The following NCALD variants were observed in gnomAD, a reference collection of about 807,000 sequenced individuals.
NCALD encodes the protein neurocalcin-delta.
A neutral mutation model predicts 18.6 loss-of-function variants in NCALD; 10 were observed. The observed-to-expected ratio is 0.54, with a 90% CI of 0.33 to 0.91. The LOEUF is 0.91. Among genes scored for constraint, NCALD ranks in the 40% least tolerant of loss-of-function variants. The pLI is 0.03. For synonymous variants in NCALD, 88 were observed against 87.4 expected, an observed-to-expected ratio of 1.01 and a Z score of -0.04; for missense variants, 184 against 247.6, an observed-to-expected ratio of 0.74 and a Z score of 1.72.
chr8:102,118,909 A>G (rs1428313859), intron 1 of NCALD, among the ~76,000 whole-genome samples: 1 of 152,214 alleles, frequency 6.6e-6, no homozygotes, highest in Non-Finnish European at 1.5e-5. Context: ...ACCTACTAGC[A>G]TGGCTATTAT....
intron 4 of NCALD, among the ~76,000 whole-genome samples, chr8:101,876,730 G>C (rs1816243146): frequency 6.6e-6 from 1 of 152,214 alleles, no homozygotes; most frequent in Admixed American, 6.5e-5. Context: ...ACAAGACATA[G>C]TACTTATTGC....
upstream of NCALD, chr8:102,124,501 C>CCG (rs1563638689): frequency 1.1e-5 from 1 of 89,704 alleles, no homozygotes; most frequent in East Asian, 2.5e-4. Flanking sequence ...TGGACGCCCC[C>CCG]CCCCTCCCCC....
intron 4 of NCALD, among the ~76,000 whole-genome samples, chr8:101,813,073 T>C (rs1243621306): frequency 6.6e-6 from 1 of 152,058 alleles, no homozygotes; most frequent in Non-Finnish European, 1.5e-5. Flanking sequence ...CTGGGGGAGA[T>C]AGCAGTGAAC....
intron 4 of NCALD, among the ~76,000 whole-genome samples, chr8:101,883,235 A>G (rs1321734850): frequency 6.6e-6 from 1 of 152,186 alleles, no homozygotes; most frequent in African/African-American, 2.4e-5. Context: ...TTAGCTGGGC[A>G]TGGTGGTGCG....
chr8:101,862,699 C>T (rs1815593680), intron 4 of NCALD, among the ~76,000 whole-genome samples: 1 of 152,194 alleles, frequency 6.6e-6, no homozygotes, highest in Non-Finnish European at 1.5e-5. Flanking sequence ...TGCTAGTTTT[C>T]TCTAACAGGG....
At chr8:102,011,106 A>G (rs1262775948) in intron 2 of NCALD, among the ~76,000 whole-genome samples, 6 of 151,904 alleles carry the variant, frequency 3.9e-5, no homozygotes, top group African/African-American at 1.2e-4. Context: ...AAACTTACCT[A>G]CTCTTCATTT....
chr8:101,870,437 A>G (rs988212960), intron 4 of NCALD, among the ~76,000 whole-genome samples: 2 of 152,228 alleles, frequency 1.3e-5, no homozygotes, highest in Non-Finnish European at 2.9e-5. Context: ...CAAATAAACA[A>G]GAATAAAAAT....
At chr8:101,736,353 C>A (rs1368556631) in intron 1 of NCALD, among the ~76,000 whole-genome samples, 2 of 152,190 alleles carry the variant, frequency 1.3e-5, no homozygotes, top group Admixed American at 1.3e-4. Context: ...CTCTCAAAGT[C>A]TTTCCCTAGT....
intron 1 of NCALD, among the ~76,000 whole-genome samples, chr8:102,035,437 T>C (rs1192463096): frequency 6.6e-6 from 1 of 152,170 alleles, no homozygotes; most frequent in Non-Finnish European, 1.5e-5. Flanking sequence ...CATGAGACAA[T>C]GATTCACATG....
At chr8:101,718,138 C>T (rs746318173) in intron 2 of NCALD, among the ~76,000 whole-genome samples, 51 of 152,246 alleles carry the variant, frequency 3.3e-4, no homozygotes, top group Middle Eastern at 3.4e-3. Flanking sequence ...GAATGGGTGT[C>T]CTTACAATTA....
chr8:102,033,747 G>T (rs531779386), intron 1 of NCALD, among the ~76,000 whole-genome samples: 1 of 152,096 alleles, frequency 6.6e-6, no homozygotes, highest in East Asian at 1.9e-4. Context: ...GATTCTCTGG[G>T]GTGCCTTATT....
chr8:101,857,599 T>C (rs976005785), intron 4 of NCALD, among the ~76,000 whole-genome samples: 1 of 152,114 alleles, frequency 6.6e-6, no homozygotes, highest in Non-Finnish European at 1.5e-5. Context: ...AAGGCAGAGA[T>C]TTGCATGCAG....
At chr8:101,785,680 T>A (rs2130985543) in intron 1 of NCALD, among the ~76,000 whole-genome samples, 1 of 152,280 alleles carries the variant, frequency 6.6e-6, no homozygotes, top group African/African-American at 2.4e-5. Flanking sequence ...TTTGGAAATA[T>A]CACTAATTTA....
intron 1 of NCALD, chr8:101,780,044 T>C (rs955789686): frequency 6.6e-6 from 1 of 152,322 alleles, no homozygotes; most frequent in African/African-American, 2.4e-5. Flanking sequence ...AGTTGTTACT[T>C]TGGACAGTAA....
chr8:101,805,279 G>A (rs993479207), intron 4 of NCALD, among the ~76,000 whole-genome samples: 2 of 152,060 alleles, frequency 1.3e-5, no homozygotes, highest in African/African-American at 2.4e-5. Flanking sequence ...AGAAGATGTG[G>A]CCAATAAGTC....
chr8:101,825,180 A>G (rs1813881153), intron 4 of NCALD, among the ~76,000 whole-genome samples: 1 of 152,204 alleles, frequency 6.6e-6, no homozygotes, highest in South Asian at 2.1e-4. Context: ...ACTTGCATCC[A>G]TCTGTTGTCA....
chr8:101,738,532 G>A (rs1455196018), intron 1 of NCALD, among the ~76,000 whole-genome samples: 6 of 115,598 alleles, frequency 5.2e-5, no homozygotes, highest in African/African-American at 9.9e-5. Flanking sequence ...TGACAAGAGC[G>A]AAACTCCATC....
At chr8:101,972,051 A>G (rs6982161) in intron 2 of NCALD, among the ~76,000 whole-genome samples, 81,135 of 152,020 alleles carry the variant, frequency 0.53, 21,746 homozygotes, top group South Asian at 0.61. Context: ...AAAACCTCTC[A>G]CAGGAATCCA....
At position 101,811,262 on chromosome 8, in the gene NCALD, TAGA is replaced by T. The variant is rs898319596; in HGVS notation, c.-20+75876_-20+75878del. On this transcript the variant is annotated intron_variant, in intron 4 of 6. Transcript: ENST00000311028. Reference sequence around the variant, plus strand: ...ATGTAATCACAAGAGTTCTTTAAAGTAGAAGAAGAAGGTAGAAATAGGGCAGCA... The same window carrying T: ...ATGTAATCACAAGAGTTCTTTAAAGTAGAAGAAGGTAGAAATAGGGCAGCA... 7.2e-5 allele frequency among the ~76,000 whole-genome samples: 11 copies of T among 152,130 alleles called. No homozygotes were observed. The South Asian group carries it at 8.3e-4, about 11-fold the overall frequency.
Sources: allele counts gnomAD v4.1 joint callset (sites outside exome capture counted in the v4.1 genomes callset), GRCh38; gene constraint gnomAD v4.1.1; transcripts MANE v1.5; gene names NCBI Gene and HGNC (gene_info 2026-07-23, HGNC 2026-07-21).